PDE7B: variants seen among roughly 807,000 people sequenced by gnomAD.
PDE7B encodes the protein phosphodiesterase 7B.
Under a neutral mutation model 56.2 loss-of-function variants are expected in PDE7B, and 29 were observed. That is an observed-to-expected ratio of 0.52 (90% CI 0.38 to 0.70). The LOEUF (loss-of-function observed/expected upper bound fraction) is 0.70. Ranked by LOEUF, PDE7B falls within the 30% of genes least tolerant of loss-of-function variation. PDE7B has a pLI of 0.00. For synonymous variants in PDE7B, 197 were observed against 196.9 expected, an observed-to-expected ratio of 1.00 and a Z score of 0.00; for missense variants, 490 against 565.0, an observed-to-expected ratio of 0.87 and a Z score of 1.35.
Position 135,882,587 on chromosome 6 carries a change from C to T in PDE7B, c.21+30568C>T, listed in dbSNP as rs143093378. On this transcript the variant is annotated intron_variant, in intron 1 of 12. Coordinates refer to ENST00000308191, the MANE Select transcript of PDE7B (RefSeq NM_018945.4). ...CTTCACAGACTGAACAGATGGATTACAGGACTTTTTCCCTTGAGATTTCCA... is the reference window on the plus strand; with the variant it reads ...CTTCACAGACTGAACAGATGGATTATAGGACTTTTTCCCTTGAGATTTCCA... 3.9e-5 allele frequency among the ~76,000 whole-genome samples: 6 copies of T among 152,228 alleles called. 1 individual carries two copies. The East Asian group carries it at 1.2e-3, about 29-fold the overall frequency.
chr6:136,075,211 A>G (rs981108882), intron 2 of PDE7B, among the ~76,000 whole-genome samples: 5 of 152,174 alleles, frequency 3.3e-5, no homozygotes, highest in African/African-American at 1.2e-4. Flanking sequence ...TTGTAGACTC[A>G]AATATTTCAA....
intron 8 of PDE7B, among the ~76,000 whole-genome samples, chr6:136,164,415 A>T (rs1012233099): frequency 1.3e-5 from 2 of 152,156 alleles, no homozygotes; most frequent in Non-Finnish European, 2.9e-5. Flanking sequence ...TGAGATTTGG[A>T]TGGGGACACA....
chr6:135,981,552 C>T (rs1236719464), intron 2 of PDE7B, among the ~76,000 whole-genome samples: 2 of 149,502 alleles, frequency 1.3e-5, no homozygotes, highest in Non-Finnish European at 3.0e-5. Flanking sequence ...AAAAAAAAAC[C>T]GAGACACAAA....
chr6:136,048,068 ATGGG>A (rs1776546208), intron 2 of PDE7B, among the ~76,000 whole-genome samples: 3 of 148,164 alleles, frequency 2.0e-5, no homozygotes, highest in East Asian at 2.0e-4. Flanking sequence ...AGATGGATGG[ATGGG>A]TGGATGGATA....
At chr6:136,126,907 C>T (rs1303213736) in intron 3 of PDE7B, among the ~76,000 whole-genome samples, 1 of 152,104 alleles carries the variant, frequency 6.6e-6, no homozygotes, top group Non-Finnish European at 1.5e-5. Context: ...AAAGAAATTA[C>T]TCATGTAACC....
At chr6:136,184,147 A>G (rs1420689231) in intron 11 of PDE7B, among the ~76,000 whole-genome samples, 1 of 152,240 alleles carries the variant, frequency 6.6e-6, no homozygotes, top group African/African-American at 2.4e-5. Flanking sequence ...TGAAGAATGC[A>G]AAGAACTACA....
chr6:135,878,946 T>A (rs1055701537), intron 1 of PDE7B, among the ~76,000 whole-genome samples: 1 of 152,186 alleles, frequency 6.6e-6, no homozygotes, highest in Non-Finnish European at 1.5e-5. Flanking sequence ...TTATGAACAC[T>A]AGCCCTTTGT....
chr6:135,935,993 C>T (rs75369505), intron 1 of PDE7B, among the ~76,000 whole-genome samples: 1 of 152,310 alleles, frequency 6.6e-6, no homozygotes, highest in East Asian at 1.9e-4. Context: ...ATGCCCTTCT[C>T]CCTATGCAAA....
At chr6:135,918,270 T>G (rs921214243) in intron 1 of PDE7B, among the ~76,000 whole-genome samples, 5 of 152,152 alleles carry the variant, frequency 3.3e-5, no homozygotes, top group African/African-American at 1.2e-4. Context: ...TATTCCTTTC[T>G]CCTAGGAACC....
chr6:135,897,287 T>TGG (rs1554264733), intron 1 of PDE7B, among the ~76,000 whole-genome samples: 1 of 146,336 alleles, frequency 6.8e-6, no homozygotes, highest in African/African-American at 2.5e-5. Context: ...TGTGTGTGTG[T>TGG]GGGTATGTGT....
intron 1 of PDE7B, among the ~76,000 whole-genome samples, chr6:135,924,286 A>G (rs1408438581): frequency 6.6e-6 from 1 of 152,232 alleles, no homozygotes; most frequent in African/African-American, 2.4e-5. Context: ...GTTCTGATGT[A>G]GAGAAATAGA....
chr6:136,088,502 AC>A (rs1329606707), intron 2 of PDE7B, among the ~76,000 whole-genome samples: 1 of 152,204 alleles, frequency 6.6e-6, no homozygotes, highest in Non-Finnish European at 1.5e-5. Flanking sequence ...AAGTCTTCAA[AC>A]TTTTGAAGAC....
chr6:136,026,303 T>C (rs1284349528), intron 2 of PDE7B, among the ~76,000 whole-genome samples: 4 of 149,090 alleles, frequency 2.7e-5, no homozygotes, highest in African/African-American at 1.0e-4. Flanking sequence ...CTGGTCACGA[T>C]GAGAGATGAA....
At chr6:135,921,408 G>A (rs1455003463) in intron 1 of PDE7B, among the ~76,000 whole-genome samples, 1 of 152,116 alleles carries the variant, frequency 6.6e-6, no homozygotes, top group Non-Finnish European at 1.5e-5. Context: ...CAAAAGCCAA[G>A]AGAACATTGC....
rs148178885 is a variant in PDE7B, at chr6:135,872,732, A to G, written c.21+20713A>G. Among the ~76,000 whole-genome samples the G allele has an allele frequency of 2.1e-4, 32 of 152,316 alleles. 1 individual carries two copies. The East Asian group carries it at 6.2e-3, about 29-fold the overall frequency. On this transcript the variant is annotated intron_variant, in intron 1 of 12. Transcript: ENST00000308191. ...TATGTAGACACATTAACTGAAGTCT[A>G]TTATGGAAATTTTGTCTGAAAATTT...
At chr6:136,081,133 C>A (rs948098369) in intron 2 of PDE7B, among the ~76,000 whole-genome samples, 2 of 152,050 alleles carry the variant, frequency 1.3e-5, no homozygotes, top group Non-Finnish European at 2.9e-5. Flanking sequence ...GAAGGTGATA[C>A]AGTCATAGAA....
At chr6:136,110,744 TCTTTTA>T (rs1036206570) in intron 3 of PDE7B, among the ~76,000 whole-genome samples, 2 of 150,190 alleles carry the variant, frequency 1.3e-5, no homozygotes, top group South Asian at 2.1e-4. Flanking sequence ...ACAATTTGCC[TCTTTTA>T]CTTTTGTAAT....
chr6:135,905,406 A>T (rs566315017), intron 1 of PDE7B, among the ~76,000 whole-genome samples: 1 of 151,778 alleles, frequency 6.6e-6, no homozygotes, highest in East Asian at 1.9e-4. Context: ...GTTGATAAGA[A>T]AATTGAGCAG....
At chr6:136,019,394 A>AG (rs1035940118) in intron 2 of PDE7B, among the ~76,000 whole-genome samples, 1 of 152,192 alleles carries the variant, frequency 6.6e-6, no homozygotes, top group African/African-American at 2.4e-5. Flanking sequence ...AAAAAAAAGA[A>AG]GGAAAAAGAA....
Sources: gnomAD v4.1 joint callset for allele counts (sites outside exome capture counted in the v4.1 genomes callset) on GRCh38, gnomAD v4.1.1 for gene constraint, MANE v1.5 for transcripts, NCBI Gene and HGNC (gene_info 2026-07-23, HGNC 2026-07-21) for gene names.